The following SLC9A2 variants were observed in gnomAD, a reference collection of about 807,000 sequenced individuals.
SLC9A2 encodes the protein solute carrier family 9 member A2.
A neutral mutation model predicts 71.7 loss-of-function variants in SLC9A2; 42 were observed. That is an observed-to-expected ratio of 0.59 (90% CI 0.46 to 0.76). The LOEUF is 0.76. Among genes scored for constraint, SLC9A2 ranks in the 30% least tolerant of loss-of-function variants. SLC9A2 has a pLI of 0.00. For synonymous variants in SLC9A2, 396 were observed against 392.5 expected (o/e 1.01, Z -0.10); for missense variants, 829 against 1,017.4 (o/e 0.81, Z 2.52).
chr2:102,653,023 T>C lies in SLC9A2; in HGVS notation c.290-4541T>C, dbSNP rs1275648268. On this transcript the variant is annotated intron_variant, in intron 1 of 11. Coordinates refer to ENST00000233969, the MANE Select transcript of SLC9A2 (RefSeq NM_003048.6). ...TTAAGAAGCCTTCTTTTGTTTGTTG[T>C]CACTAATTACTTAGCTGATGAGTTT... 5.3e-5 allele frequency among the ~76,000 whole-genome samples: 8 copies of C among 152,242 alleles called. No homozygotes were observed. In the South Asian group the frequency reaches 8.3e-4, roughly 16 times the overall value.
chr2:102,632,033 T>TATATAC (rs1267225020), intron 1 of SLC9A2, among the ~76,000 whole-genome samples: 1 of 76,930 alleles, frequency 1.3e-5, no homozygotes, highest in Non-Finnish European at 2.5e-5. Flanking sequence ...TATATATATA[T>TATATAC]ATATACATAC....
chr2:102,679,476 G>C (rs1446762843), intron 3 of SLC9A2, among the ~76,000 whole-genome samples: 4 of 151,792 alleles, frequency 2.6e-5, no homozygotes, highest in African/African-American at 9.7e-5. Context: ...CTGCCTCCCG[G>C]GTTCACGCCA....
In SLC9A2 at chr2:102,711,058, ATGTC is replaced by A. The variant is rs762924947; in HGVS notation, c.*2573_*2576del. On this transcript the variant is annotated 3_prime_UTR_variant, in exon 12 of 12. Coordinates refer to ENST00000233969, the MANE Select transcript of SLC9A2 (RefSeq NM_003048.6). ...TGTGTTTTGTGTATATGCTCACAAA[ATGTC>A]TGTGAAGAGATTTCTTTCAGCTTTT... The A allele has an allele frequency of 2.6e-5, 4 of 152,346 alleles. No homozygotes were observed. Among genetic ancestry groups the A allele is most frequent in the Non-Finnish European group, 4.4e-5 (3 of 68,044 alleles). 9.4% of individuals were successfully genotyped at this position (152,346 alleles called of 1,614,324 possible).
At chr2:102,643,160 C>T (rs981820568) in intron 1 of SLC9A2, among the ~76,000 whole-genome samples, 5 of 152,150 alleles carry the variant, frequency 3.3e-5, no homozygotes, top group Admixed American at 1.3e-4. Context: ...TGTGGCTGGA[C>T]TATGGTGACG....
At chr2:102,632,424 T>G (rs987417433) in intron 1 of SLC9A2, among the ~76,000 whole-genome samples, 1 of 151,744 alleles carries the variant, frequency 6.6e-6, no homozygotes, top group Non-Finnish European at 1.5e-5. Context: ...CATGGGCGTA[T>G]TGTCATTTTA....
chr2:102,659,731 T>A (rs922822189), intron 2 of SLC9A2, among the ~76,000 whole-genome samples: 1 of 152,192 alleles, frequency 6.6e-6, no homozygotes, highest in Non-Finnish European at 1.5e-5. Context: ...AAATTTTAAC[T>A]GGGAAACTGC....
At chr2:102,677,345 T>C (rs1283304840) in intron 3 of SLC9A2, among the ~76,000 whole-genome samples, 1 of 152,210 alleles carries the variant, frequency 6.6e-6, no homozygotes, top group Non-Finnish European at 1.5e-5. Flanking sequence ...GCCTGAATTG[T>C]CCTACACTGT....
chr2:102,639,000 A>G (rs1004646117), intron 1 of SLC9A2, among the ~76,000 whole-genome samples: 1 of 152,246 alleles, frequency 6.6e-6, no homozygotes, highest in East Asian at 1.9e-4. Flanking sequence ...CATGGTCAAC[A>G]TAGTGAGACC....
intron 5 of SLC9A2, among the ~76,000 whole-genome samples, chr2:102,691,300 A>C (rs1031330816): frequency 2.7e-5 from 4 of 149,270 alleles, no homozygotes; most frequent in African/African-American, 9.7e-5. Flanking sequence ...TATTTTTTTT[A>C]TTCTGTATGG....
intron 1 of SLC9A2, among the ~76,000 whole-genome samples, chr2:102,655,333 T>A (rs770792488): frequency 2.1e-4 from 32 of 152,110 alleles, no homozygotes; most frequent in Non-Finnish European, 3.8e-4. Flanking sequence ...TTTTTATTTT[T>A]ACTAGAGATG....
At chr2:102,707,954 T>G (rs989276576) in intron 11 of SLC9A2, among the ~76,000 whole-genome samples, 165 bp from the exon 12 acceptor site, 9 of 152,182 alleles carry the variant, frequency 5.9e-5, no homozygotes, top group African/African-American at 2.2e-4. Context: ...AGGGGTTATG[T>G]AAGATGCACA....
chr2:102,673,135 A>AC (rs911458496), intron 3 of SLC9A2, among the ~76,000 whole-genome samples: 9 of 152,084 alleles, frequency 5.9e-5, no homozygotes, highest in African/African-American at 2.2e-4. Flanking sequence ...TCAACTTGTC[A>AC]CCTGTGTCTT....
chr2:102,690,840 G>A (rs1043043268), intron 5 of SLC9A2, among the ~76,000 whole-genome samples: 9 of 151,938 alleles, frequency 5.9e-5, no homozygotes, highest in East Asian at 3.9e-4. Flanking sequence ...CATGAAAATC[G>A]TTTCTATAAG....
At chr2:102,664,230 C>G (rs1476020391) in intron 2 of SLC9A2, among the ~76,000 whole-genome samples, 1 of 144,716 alleles carries the variant, frequency 6.9e-6, no homozygotes, top group Non-Finnish European at 1.5e-5. Context: ...GAGCTGAGAT[C>G]AAGATCACGC....
Position 102,683,437 on chromosome 2 carries a change from T to A in SLC9A2, c.1181T>A (p.Val394Asp). 6.2e-7 allele frequency: 1 copy of A among 1,614,248 alleles called. No individual in the cohort carries two copies. The change falls in exon 4 of 12, where the codon GTC (valine) becomes GAC (aspartate). Residue 394 changes from valine (V) to aspartate (D), a missense_variant. By Grantham distance (152) the Val-to-Asp change is radical (BLOSUM62 -3). Transcript: ENST00000233969. ...GKNHEWNWAF[V>D]CFTLAFCLMW... ...AACCACGAGTGGAACTGGGCCTTCG[T>A]CTGCTTCACCCTGGCCTTCTGCCTC...
chr2:102,688,544 A>G (rs1037738168), intron 5 of SLC9A2, among the ~76,000 whole-genome samples: 2 of 152,296 alleles, frequency 1.3e-5, no homozygotes, highest in Non-Finnish European at 2.9e-5. Flanking sequence ...TCTGGCCAAC[A>G]TGGTGAAACC....
At chr2:102,626,350 G>A (rs1246099094) in intron 1 of SLC9A2, among the ~76,000 whole-genome samples, 1 of 152,138 alleles carries the variant, frequency 6.6e-6, no homozygotes, top group African/African-American at 2.4e-5. Context: ...AAATGGTGCT[G>A]GGAAAACTGG....
intron 9 of SLC9A2, 101 bp from the exon 10 acceptor site, chr2:102,704,443 G>A (rs1440087033): frequency 1.8e-6 from 2 of 1,098,468 alleles, no homozygotes; most frequent in Non-Finnish European, 1.3e-6. Flanking sequence ...CTTAGCTGAG[G>A]TGCAGATCCA....
At chr2:102,671,637 C>T (rs1391457664) in intron 3 of SLC9A2, among the ~76,000 whole-genome samples, 2 of 152,050 alleles carry the variant, frequency 1.3e-5, no homozygotes, top group African/African-American at 2.4e-5. Context: ...TGGTTTAAAC[C>T]GTTTAATTTA....
Sources: allele counts gnomAD v4.1 joint callset (sites outside exome capture counted in the v4.1 genomes callset), GRCh38; gene constraint gnomAD v4.1.1; transcripts MANE v1.5; gene names NCBI Gene and HGNC (gene_info 2026-07-23, HGNC 2026-07-21).